Variants in SLC19A3 observed in about 807,000 individuals in gnomAD.
SLC19A3 encodes solute carrier family 19 member 3.
A neutral mutation model predicts 40.2 loss-of-function variants in SLC19A3; 31 were observed. That is an observed-to-expected ratio of 0.77 (90% CI 0.58 to 1.04). SLC19A3 has a LOEUF of 1.04. Ranked by LOEUF, SLC19A3 falls within the 50% of genes least tolerant of loss-of-function variation. The pLI is 0.00. For missense variants in SLC19A3, 592 were observed against 596.7 expected, an observed-to-expected ratio of 0.99 and a Z score of 0.08; for synonymous variants, 212 against 227.5, an observed-to-expected ratio of 0.93 and a Z score of 0.61.
chr2:227,715,109 C>T (rs7592908), intron 1 of SLC19A3, among the ~76,000 whole-genome samples: 66,415 of 151,642 alleles, frequency 0.44, 15,636 homozygotes, highest in Middle Eastern at 0.54. Flanking sequence ...TGTGAGCCGC[C>T]GTGCCTGGCC....
chr2:227,702,932 A>G (rs1244050998), intron 1 of SLC19A3: 4 of 155,844 alleles, frequency 2.6e-5, no homozygotes, highest in Non-Finnish European at 5.7e-5. Flanking sequence ...TTTTCTGCAT[A>G]CTATCTCCTT....
At position 227,718,014 on chromosome 2, in the gene SLC19A3, G is replaced by C. The variant is rs1696390689; in HGVS notation, c.-74C>G. ...ACCACGCACCCGCGGCTGTCGGATG[G>C]ATCCAGGCGCTCTTGGTGGGAAGGG... On this transcript the variant is annotated 5_prime_UTR_variant, in exon 1 of 6. In the 5' UTR this introduces an upstream ATG that the reference lacks. Coordinates refer to ENST00000644224, the MANE Select transcript of SLC19A3 (RefSeq NM_025243.4). 1.0e-6 allele frequency: 1 copy of C among 985,048 alleles called. No homozygotes were observed. Among genetic ancestry groups the C allele is most frequent in the Non-Finnish European group, 1.2e-6 (1 of 829,700 alleles). The allele number at this position is 985,048 out of a possible 1,614,324, so 61.0% of individuals were successfully genotyped here. A position where few individuals can be genotyped will look rare whatever the true frequency, so the allele number is the denominator to read the frequency against.
At chr2:227,704,318 A>G (rs1276163026) in intron 1 of SLC19A3, among the ~76,000 whole-genome samples, 1 of 152,236 alleles carries the variant, frequency 6.6e-6, no homozygotes, top group East Asian at 1.9e-4. Flanking sequence ...TGCATGCCTT[A>G]CAGGACAGAA....
At chr2:227,700,202 C>T (rs1461668035) in intron 2 of SLC19A3, among the ~76,000 whole-genome samples, 1 of 151,532 alleles carries the variant, frequency 6.6e-6, no homozygotes, top group African/African-American at 2.4e-5. Flanking sequence ...ATATAATTTC[C>T]TTCTTGTTTG....
Position 227,716,993 on chromosome 2 carries a change from C to CTT in SLC19A3, c.-3+948_-3+949dup, listed in dbSNP as rs61164911. 2.7e-3 allele frequency among the ~76,000 whole-genome samples: 183 copies of CTT among 67,182 alleles called. 19 individuals are homozygous for CTT. Among genetic ancestry groups the CTT allele is most frequent in the South Asian group, 0.011 (13 of 1,226 alleles). 44.1% of individuals were successfully genotyped at this position (67,182 alleles called of 152,430 possible). A position where few individuals can be genotyped will look rare whatever the true frequency, so the allele number is the denominator to read the frequency against. On this transcript the variant is annotated intron_variant, in intron 1 of 5. Coordinates refer to ENST00000644224, the MANE Select transcript of SLC19A3 (RefSeq NM_025243.4). ...GATAGGAGCAAAACACATGAGAGTGCTTTTTTTTTTTTTTTTTTTTTTTTT... is the reference window on the plus strand; with the variant it reads ...GATAGGAGCAAAACACATGAGAGTGCTTTTTTTTTTTTTTTTTTTTTTTTTTT...
chr2:227,704,420 T>G (rs1440155893), intron 1 of SLC19A3, among the ~76,000 whole-genome samples: 1 of 152,260 alleles, frequency 6.6e-6, no homozygotes, highest in Non-Finnish European at 1.5e-5. Context: ...TTTTTACATT[T>G]TGAAAATGAT....
chr2:227,710,636 C>T (rs771014177), intron 1 of SLC19A3, among the ~76,000 whole-genome samples: 3 of 152,162 alleles, frequency 2.0e-5, no homozygotes, highest in East Asian at 1.9e-4. Context: ...AGAGCATGAT[C>T]TTCAGCTCCT....
rs578113215 is a variant in SLC19A3, at chr2:227,685,460, G to A, written c.*1937C>T. On this transcript the variant is annotated 3_prime_UTR_variant, in exon 6 of 6. Coordinates refer to ENST00000644224, the MANE Select transcript of SLC19A3 (RefSeq NM_025243.4). ...GGACGGTGCCAAACCATTCATGAAG[G>A]CTTCACACCCATGATCCAGTCGCCT... 6.6e-6 allele frequency: 1 copy of A among 152,346 alleles called. No individual in the cohort carries two copies. The highest frequency in any genetic ancestry group is 2.4e-5 in the African/African-American group (1 of 41,556). 9.4% of individuals were successfully genotyped at this position (152,346 alleles called of 1,614,324 possible). A position where few individuals can be genotyped will look rare whatever the true frequency, so the allele number is the denominator to read the frequency against.
intron 1 of SLC19A3, among the ~76,000 whole-genome samples, chr2:227,705,715 G>C (rs1255024696): frequency 6.6e-6 from 1 of 150,826 alleles, no homozygotes; most frequent in Non-Finnish European, 1.5e-5. Flanking sequence ...CGGGTCTGTC[G>C]GGGAAATGGG....
At chr2:227,690,762 C>A (rs771026438) in intron 4 of SLC19A3, among the ~76,000 whole-genome samples, 18 of 145,528 alleles carry the variant, frequency 1.2e-4, no homozygotes, top group South Asian at 8.8e-4. Context: ...GTATGGAGCA[C>A]CCATATATAA....
chr2:227,711,444 AAATAAAAT>A (rs1261058256), intron 1 of SLC19A3, among the ~76,000 whole-genome samples: 4 of 150,700 alleles, frequency 2.7e-5, no homozygotes, highest in South Asian at 2.1e-4. Flanking sequence ...AAATAAAATA[AAATAAAAT>A]AATAAAATAA....
rs200050955 is a variant in SLC19A3 at position 227,715,250 on chromosome 2, AC to A, written c.-3+2692del. 2.9e-3 allele frequency among the ~76,000 whole-genome samples: 403 copies of A among 138,706 alleles called. 3 individuals carry two copies. The highest frequency in any genetic ancestry group is 9.5e-3 in the African/African-American group (373 of 39,460). The allele number at this position is 138,706 out of a possible 152,430, so 91.0% of individuals were successfully genotyped here. On this transcript the variant is annotated intron_variant, in intron 1 of 5. Transcript: ENST00000644224. ...TATAATCCTTTATGTCAAACCCCAC[AC>A]CCCCCCCAAAAAAAAATCTTTGCTG...
Position 227,699,157 on chromosome 2 carries a change from G to A in SLC19A3, c.558C>T (p.Phe186=). 2 of 1,614,160 alleles carry A rather than the reference G, an allele frequency of 1.2e-6. No homozygotes were observed. The change falls in exon 3 of 6, where the codon TTC becomes TTT. Residue 186 remains phenylalanine (F), a synonymous_variant. Coordinates refer to ENST00000644224, the MANE Select transcript of SLC19A3 (RefSeq NM_025243.4). ...SLASVSVAFL[F]SLFLPMPKKS... The stretch of plus-strand genomic sequence containing the variant: ...TCTTGGGCATTGGTAGGAAAAGTGA[G>A]AAAAGGAAAGCCACGGAGACAGAGG...
intron 3 of SLC19A3, among the ~76,000 whole-genome samples, chr2:227,698,457 A>G (rs1328351919): frequency 2.1e-5 from 3 of 140,092 alleles, no homozygotes; most frequent in African/African-American, 9.9e-5. Flanking sequence ...CACCACGCCT[A>G]CCTATTTTAT....
chr2:227,713,401 TAAAAAAAA>T (rs56014411), intron 1 of SLC19A3, among the ~76,000 whole-genome samples: 1 of 110,580 alleles, frequency 9.0e-6, no homozygotes, highest in African/African-American at 3.5e-5. Context: ...GACCCTGTTG[TAAAAAAAA>T]AAAAAAAAAA....
rs764867524 is a variant in SLC19A3, at chr2:227,698,854, G to A, written c.861C>T (p.Phe287=). Reference sequence around the variant, plus strand: ...AAACCTGGTTAAAACCTGCTGTGGCGAAAGCCCACCATAGAGACCAGTAGA... The same window carrying A: ...AAACCTGGTTAAAACCTGCTGTGGCAAAAGCCCACCATAGAGACCAGTAGA... The part of the protein sequence containing the change: ...RLFYWSLWWA[F]ATAGFNQVLN... The change falls in exon 3 of 6, where the codon TTC becomes TTT. Residue 287 remains phenylalanine (F), a synonymous_variant. Coordinates refer to ENST00000644224, the MANE Select transcript of SLC19A3 (RefSeq NM_025243.4). The A allele has an allele frequency of 2.0e-5, 33 of 1,614,052 alleles. No homozygotes were observed. The highest frequency in any genetic ancestry group is 6.7e-5 in the East Asian group (3 of 44,890).
Position 227,691,580 on chromosome 2 carries a change from T to C in SLC19A3, c.1173-3273A>G, listed in dbSNP as rs151163867. 9.8e-4 allele frequency among the ~76,000 whole-genome samples: 149 copies of C among 152,054 alleles called. 1 individual carries two copies. The East Asian group carries it at 0.027, about 28-fold the overall frequency. The stretch of plus-strand genomic sequence containing the variant: ...GTAGAGATTATCACGCCAGTGCAGT[T>C]CAGCCTGGAGAACATAGTAAGACCC... On this transcript the variant is annotated intron_variant, in intron 4 of 5. Transcript: ENST00000644224.
chr2:227,710,018 G>A (rs1323324931), intron 1 of SLC19A3, among the ~76,000 whole-genome samples: 8 of 152,098 alleles, frequency 5.3e-5, no homozygotes, highest in Admixed American at 3.3e-4. Context: ...CAAGGAGCTC[G>A]TAACCTAGAT....
chr2:227,701,986 A>AT, intron 2 of SLC19A3, 183 bp downstream of exon 2: 1 of 597,028 alleles, frequency 1.7e-6, no homozygotes, highest in Non-Finnish European at 2.9e-6. Context: ...TTTGGCTGCA[A>AT]TTTTTTGCAA....
Sources: gnomAD v4.1 joint callset for allele counts (sites outside exome capture counted in the v4.1 genomes callset) on GRCh38, gnomAD v4.1.1 for gene constraint, MANE v1.5 for transcripts, NCBI Gene and HGNC (gene_info 2026-07-23, HGNC 2026-07-21) for gene names.